Variants in LRRC23 observed in about 807,000 individuals in gnomAD.
LRRC23 encodes leucine rich repeat containing 23.
In LRRC23, 28 loss-of-function variants were observed where a neutral mutation model predicts 37.7. The observed-to-expected ratio is 0.74, with a 90% CI of 0.55 to 1.02. The LOEUF (loss-of-function observed/expected upper bound fraction) is 1.02. Ranked by LOEUF, LRRC23 falls within the 50% of genes least tolerant of loss-of-function variation. The probability of loss-of-function intolerance (pLI) is 0.00; values close to 1 mark genes in which losing one functional copy is unlikely to be tolerated. For synonymous variants in LRRC23, 161 were observed against 165.4 expected (o/e 0.97, Z 0.20); for missense variants, 377 against 413.2 (o/e 0.91, Z 0.76).
rs919901166 is a variant in LRRC23, at chr12:6,905,733, A to G, written c.100A>G (p.Lys34Glu). The G allele has an allele frequency of 1.2e-6, 2 of 1,612,586 alleles. No individual in the cohort carries two copies. The highest frequency in any genetic ancestry group is 2.2e-5 in the South Asian group (2 of 91,028). ...GACAGAGGAGGGGGAGGACTACAGA[A>G]AAGAGGGGGAAGAGTTCCCTGAGGA... Reference protein sequence around the residue: ...KETEEGEDYRKEGEEFPEEWL... With the variant: ...KETEEGEDYREEGEEFPEEWL... Residue 34 changes from lysine to glutamate, a missense_variant, in exon 2 of 8, where the codon AAA (lysine) becomes GAA (glutamate). This residue lies in a region of LRRC23 where 106 missense variants were observed against 105.9 expected (regional missense o/e 1.00). Transcript: ENST00000443597.
intron 5 of LRRC23, among the ~76,000 whole-genome samples, chr12:6,908,993 G>C (rs1189764573): frequency 8.7e-6 from 1 of 114,706 alleles, no homozygotes; most frequent in East Asian, 2.2e-4. Context: ...TATTATGGGG[G>C]TTATAAGCTA....
Position 6,909,972 on chromosome 12 carries a change from A to C in LRRC23, c.704A>C (p.Asp235Ala). ...TTLHLRDNQI[D>A]TLSGFSREMK... ...TTGCATCTTCGAGACAACCAGATTG[A>C]CACCCTGAGTGGCTTCTCCAGAGAA... Residue 235 changes from aspartate to alanine, a missense_variant, in exon 6 of 8, where the codon GAC becomes GCC. This residue lies in a region of LRRC23 where 266 missense variants were observed against 285.6 expected (regional missense o/e 0.93). Coordinates refer to ENST00000443597, the MANE Select transcript of LRRC23 (RefSeq NM_001135217.2). The C allele has an allele frequency of 1.2e-6, 2 of 1,613,850 alleles. No individual in the cohort carries two copies. Among genetic ancestry groups the C allele is most frequent in the Non-Finnish European group, 1.7e-6 (2 of 1,179,918 alleles).
At position 6,913,555 on chromosome 12, in the gene LRRC23, G is replaced by GTTTTTT. The variant is rs869177982; in HGVS notation, c.*25-313_*25-308dup. ...GGAGAGGCTTTATTTACCTCTGTTT[G>GTTTTTT]TTTTTTTTTTTTTTTTTTTTTTTTT... On this transcript the variant is annotated intron_variant, in intron 7 of 7. Transcript: ENST00000443597. Among the ~76,000 whole-genome samples the GTTTTTT allele has an allele frequency of 3.1e-3, 240 of 76,370 alleles. 18 individuals are homozygous for GTTTTTT. Among genetic ancestry groups the GTTTTTT allele is most frequent in the East Asian group, 0.013 (27 of 2,122 alleles). 50.1% of individuals were successfully genotyped at this position (76,370 alleles called of 152,430 possible). A position where few individuals can be genotyped will look rare whatever the true frequency, so the allele number is the denominator to read the frequency against.
rs1555141230 is a variant in LRRC23, at chr12:6,914,052, G to T, written c.*186G>T. ...GTGCCGGTCCTCTGGGCAGTGTGGG[G>T]TGCAGAATGGGGTGCCTAGGCCTGA... On this transcript the variant is annotated 3_prime_UTR_variant, in exon 8 of 8. Coordinates refer to ENST00000443597, the MANE Select transcript of LRRC23 (RefSeq NM_001135217.2). This position sits in a 1 kb window ranked among gnomAD's most constrained non-coding sequence, Gnocchi z 7.1. 3 of 1,597,784 alleles carry T rather than the reference G, an allele frequency of 1.9e-6. No homozygotes were observed. Among genetic ancestry groups the T allele is most frequent in the East Asian group, 4.5e-5 (2 of 44,632 alleles).
At position 6,909,437 on chromosome 12, in the gene LRRC23, A is replaced by G. The variant is rs1344919625; in HGVS notation, c.622-453A>G. Among the ~76,000 whole-genome samples the G allele has an allele frequency of 3.2e-3, 275 of 85,358 alleles. 53 individuals are homozygous for G. The highest frequency in any genetic ancestry group is 0.014 in the African/African-American group (268 of 18,646). The allele number at this position is 85,358 out of a possible 152,430, so 56.0% of individuals were successfully genotyped here. ...ATTATATATAATATATAAATATTAT[A>G]TATAATAGTATATAATATATAATAT... On this transcript the variant is annotated intron_variant, in intron 5 of 7. Coordinates refer to ENST00000443597, the MANE Select transcript of LRRC23 (RefSeq NM_001135217.2).
intron 7 of LRRC23, chr12:6,913,679 C>T: frequency 7.3e-6 from 2 of 272,686 alleles, no homozygotes; most frequent in Non-Finnish European, 1.4e-5. Context: ...ATTCTCCTGC[C>T]TCAGCCTCCC....
chr12:6,908,318 C>G (rs573777833), intron 5 of LRRC23, among the ~76,000 whole-genome samples: 5 of 151,956 alleles, frequency 3.3e-5, no homozygotes, highest in Non-Finnish European at 2.9e-5. Flanking sequence ...ACAATCAGGC[C>G]GGGCGCGGTG....
At chr12:6,909,488 A>AATATATT (rs1250571586) in intron 5 of LRRC23, among the ~76,000 whole-genome samples, 1 of 97,960 alleles carries the variant, frequency 1.0e-5, no homozygotes, top group East Asian at 3.9e-4. Context: ...TATATTATAT[A>AATATATT]ATATATTATA....
chr12:6,909,861 A>C, intron 5 of LRRC23, 29 bp from the exon 6 acceptor site: 2 of 1,593,986 alleles, frequency 1.3e-6, no homozygotes, highest in Non-Finnish European at 1.7e-6. Flanking sequence ...GCTCCCTCTC[A>C]ATCAATCCAC....
In LRRC23 at chr12:6,909,095, T is replaced by TATATATAATATATAATTATATATA. The variant is rs1945039594; in HGVS notation, c.622-777_622-776insTATATAATATATAATATATAATTA. 9.9e-5 allele frequency among the ~76,000 whole-genome samples: 4 copies of TATATATAATATATAATTATATATA among 40,340 alleles called. No homozygotes were observed. In the Admixed American group the frequency reaches 1.4e-3, roughly 14 times the overall value. The allele number at this position is 40,340 out of a possible 152,430, so 26.5% of individuals were successfully genotyped here. ...TATTATATATTATATAATTATATAT[T>TATATATAATATATAATTATATATA]ATATATAATATATAATTACATATAA... On this transcript the variant is annotated intron_variant, in intron 5 of 7. Transcript: ENST00000443597.
At chr12:6,909,163 TA>T (rs1193188346) in intron 5 of LRRC23, among the ~76,000 whole-genome samples, 1 of 1,266 alleles carries the variant, frequency 7.9e-4, no homozygotes, top group Non-Finnish European at 1.2e-3. Flanking sequence ...ATATTATATA[TA>T]AAATATATAA....
chr12:6,905,265 A>G (rs1196784694), intron 1 of LRRC23, 190 bp downstream of exon 1: 1 of 211,564 alleles, frequency 4.7e-6, no homozygotes, highest in Admixed American at 5.3e-5. Flanking sequence ...GGAAGATTGG[A>G]GAGCATGGCT....
Position 6,906,617 on chromosome 12 carries a change from A to G in LRRC23, c.445A>G (p.Thr149Ala). The change falls in exon 4 of 8, where the codon ACT (threonine) becomes GCT (alanine). Residue 149 changes from threonine to alanine, a missense_variant. Thr to Ala is a moderately conservative substitution (Grantham distance 58, BLOSUM62 0). This residue lies in a region of LRRC23 where 266 missense variants were observed against 285.6 expected (regional missense o/e 0.93). Transcript: ENST00000443597. ...ASFAYNQITD[T>A]EGISHPRLET... ...TTTTGCTTATAACCAGATTACTGAC[A>G]CTGAAGGCATCTCTCATCCTCGTCT... 1 of 1,614,120 alleles carries G rather than the reference A, an allele frequency of 6.2e-7. No individual in the cohort carries two copies. Among genetic ancestry groups the G allele is most frequent in the Non-Finnish European group, 8.5e-7 (1 of 1,180,010 alleles).
At chr12:6,909,828 A>C in intron 5 of LRRC23, 62 bp from the exon 6 acceptor site, 1 of 1,499,230 alleles carries the variant, frequency 6.7e-7, no homozygotes, top group Non-Finnish European at 9.1e-7. Context: ...TCTCATTCTG[A>C]CTTCTCTTTC....
At chr12:6,913,726 G>A (rs1945247579) in intron 7 of LRRC23, 165 bp from the exon 8 acceptor site, 1 of 499,162 alleles carries the variant, frequency 2.0e-6, no homozygotes, top group Non-Finnish European at 3.5e-6. Flanking sequence ...AACCGCGCCT[G>A]GCTAATTTTT....
intron 5 of LRRC23, among the ~76,000 whole-genome samples, chr12:6,908,470 G>A (rs1215088573): frequency 6.6e-6 from 1 of 151,604 alleles, no homozygotes; most frequent in Non-Finnish European, 1.5e-5. Context: ...GCTGACATGC[G>A]CCTGTAATCC....
At chr12:6,913,555 GTTTTTTTTTTTT>G (rs869177982) in intron 7 of LRRC23, among the ~76,000 whole-genome samples, 1 of 76,364 alleles carries the variant, frequency 1.3e-5, no homozygotes, top group African/African-American at 5.4e-5. Flanking sequence ...ACCTCTGTTT[GTTTTTTTTTTTT>G]TTTTTTTTTT....
chr12:6,909,102 AATATATAATTACATAT>A (rs1471520368), intron 5 of LRRC23, among the ~76,000 whole-genome samples: 18 of 24,042 alleles, frequency 7.5e-4, no homozygotes, highest in African/African-American at 1.4e-3. Flanking sequence ...TATTATATAT[AATATATAATTACATAT>A]AATATATAAT....
rs1239829922 is a variant in LRRC23 at position 6,904,933 on chromosome 12, G to A, written c.-192G>A. 1 of 152,268 alleles carries A rather than the reference G, an allele frequency of 6.6e-6. No homozygotes were observed. Among genetic ancestry groups the A allele is most frequent in the Non-Finnish European group, 1.5e-5 (1 of 68,104 alleles). 9.4% of individuals were successfully genotyped at this position (152,268 alleles called of 1,614,324 possible). A position where few individuals can be genotyped will look rare whatever the true frequency, so the allele number is the denominator to read the frequency against. On this transcript the variant is annotated 5_prime_UTR_variant, in exon 1 of 8. Transcript: ENST00000443597. ...TCGCCGCTCTACTCTCAACGGTGGC[G>A]AGCTGCAGTTGCCAAGTGCCCCGTC...
Sources: allele counts gnomAD v4.1 joint callset (sites outside exome capture counted in the v4.1 genomes callset), GRCh38; gene constraint gnomAD v4.1.1; regional missense constraint gnomAD v4.1.1; non-coding constraint Gnocchi (gnomAD v3.1); transcripts MANE v1.5; gene names NCBI Gene and HGNC (gene_info 2026-07-23, HGNC 2026-07-21).